CYP2C19: variants seen among roughly 807,000 people sequenced by gnomAD.
CYP2C19 encodes cytochrome P450 2C19.
Under a neutral mutation model 40.9 loss-of-function variants are expected in CYP2C19, and 59 were observed. That is an observed-to-expected ratio of 1.44 (90% CI 1.17 to 1.79). The LOEUF is 1.79. Ranked by LOEUF, CYP2C19 falls within the 40% of genes most tolerant of loss-of-function variation. CYP2C19 has a pLI of 0.00. For missense variants in CYP2C19, 754 were observed against 596.9 expected (o/e 1.26, Z -2.74); for synonymous variants, 253 against 208.7 (o/e 1.21, Z -1.83).
chr10:94,786,059 G>GTC (rs148764138), intron 5 of CYP2C19, among the ~76,000 whole-genome samples: 63 of 149,820 alleles, frequency 4.2e-4, no homozygotes, highest in African/African-American at 9.3e-4. Flanking sequence ...CTCTTTGGAT[G>GTC]TCTCTCTCTC....
chr10:94,830,981 T>A (rs942128027), intron 6 of CYP2C19, among the ~76,000 whole-genome samples: 1 of 152,230 alleles, frequency 6.6e-6, no homozygotes, highest in African/African-American at 2.4e-5. Context: ...ACTGTTGTGC[T>A]ATCAAATAGT....
At chr10:94,780,366 C>A (rs1589348918) in intron 3 of CYP2C19, 133 bp from the exon 4 acceptor site, 9 of 1,184,528 alleles carry the variant, frequency 7.6e-6, no homozygotes, top group East Asian at 2.6e-5. Context: ...ATGCCAAACT[C>A]TTTTTTGCTT....
At chr10:94,787,955 G>A (rs192326041) in intron 5 of CYP2C19, among the ~76,000 whole-genome samples, 1 of 152,044 alleles carries the variant, frequency 6.6e-6, no homozygotes, top group South Asian at 2.1e-4. Flanking sequence ...GATAGCTTTG[G>A]GCAGTCTAGC....
At chr10:94,767,073 A>G (rs1283504689) in intron 1 of CYP2C19, among the ~76,000 whole-genome samples, 2 of 152,052 alleles carry the variant, frequency 1.3e-5, no homozygotes, top group Admixed American at 1.3e-4. Flanking sequence ...ATCAAGTAGG[A>G]GGTCATTTGT....
intron 5 of CYP2C19, among the ~76,000 whole-genome samples, chr10:94,806,685 C>T (rs956736484): frequency 6.8e-5 from 10 of 147,362 alleles, no homozygotes; most frequent in East Asian, 2.0e-4. Context: ...ATTATAAATA[C>T]GTTACCATAA....
chr10:94,825,297 TC>T (rs1344095152), intron 6 of CYP2C19, among the ~76,000 whole-genome samples: 1 of 141,972 alleles, frequency 7.0e-6, no homozygotes, highest in East Asian at 2.1e-4. Flanking sequence ...TTCCTATTTC[TC>T]CACATCCTCT....
At chr10:94,802,497 TC>T (rs1269317550) in intron 5 of CYP2C19, among the ~76,000 whole-genome samples, 1 of 152,146 alleles carries the variant, frequency 6.6e-6, no homozygotes, top group African/African-American at 2.4e-5. Flanking sequence ...GAGATGGGTC[TC>T]CTGAATACAG....
intron 5 of CYP2C19, among the ~76,000 whole-genome samples, chr10:94,820,052 G>T (rs1197936694): frequency 6.7e-6 from 1 of 149,490 alleles, no homozygotes; most frequent in Non-Finnish European, 1.5e-5. Flanking sequence ...ATGATCAAGT[G>T]GGCTTCATCC....
chr10:94,767,005 G>A (rs1848254580), intron 1 of CYP2C19, among the ~76,000 whole-genome samples: 1 of 152,078 alleles, frequency 6.6e-6, no homozygotes, highest in African/African-American at 2.4e-5. Flanking sequence ...AGGTTTTTAA[G>A]GTTTCATTGA....
At chr10:94,775,035 G>A (rs368928532) in intron 1 of CYP2C19, 23 bp from the exon 2 acceptor site, 33 of 1,612,528 alleles carry the variant, frequency 2.0e-5, no homozygotes, top group Non-Finnish European at 2.5e-5. Flanking sequence ...TTCATTTGCT[G>A]TTAACTGTAT....
chr10:94,829,023 C>T (rs554478759), intron 6 of CYP2C19, among the ~76,000 whole-genome samples: 348 of 151,862 alleles, frequency 2.3e-3, no homozygotes, highest in African/African-American at 6.8e-3. Context: ...GAGTTTCTGC[C>T]GAGAGATCTG....
intron 1 of CYP2C19, among the ~76,000 whole-genome samples, chr10:94,763,884 T>G (rs2134228049): frequency 6.6e-6 from 1 of 151,948 alleles, no homozygotes; most frequent in Admixed American, 6.5e-5. Context: ...TGTGCCAGAG[T>G]TTGTTCCTTC....
At chr10:94,771,726 C>A (rs1383115752) in intron 1 of CYP2C19, among the ~76,000 whole-genome samples, 1 of 152,104 alleles carries the variant, frequency 6.6e-6, no homozygotes, top group Admixed American at 6.5e-5. Flanking sequence ...CTGCAACAGT[C>A]CCTGGACCCT....
At chr10:94,787,392 T>G (rs1848557346) in intron 5 of CYP2C19, among the ~76,000 whole-genome samples, 1 of 152,172 alleles carries the variant, frequency 6.6e-6, no homozygotes, top group Non-Finnish European at 1.5e-5. Flanking sequence ...TTCTCGCTAT[T>G]GGACCATTGT....
At chr10:94,815,163 T>C (rs1266674645) in intron 5 of CYP2C19, among the ~76,000 whole-genome samples, 1 of 150,306 alleles carries the variant, frequency 6.7e-6, no homozygotes, top group African/African-American at 2.5e-5. Flanking sequence ...TTAATACTGG[T>C]TTGTGACTGC....
chr10:94,773,944 T>C (rs1297738343), intron 1 of CYP2C19: 1 of 152,160 alleles, frequency 6.6e-6, no homozygotes, highest in African/African-American at 2.4e-5. Context: ...TGCTGATTGT[T>C]CCATTTTACA....
In CYP2C19 at chr10:94,849,946, T is replaced by G. The variant is rs1849626845; in HGVS notation, c.1179T>G (p.Ser393=). The change falls in exon 8 of 9, where the codon TCT becomes TCG. Residue 393 remains serine (S), a synonymous_variant. Coordinates refer to ENST00000371321, the MANE Select transcript of CYP2C19 (RefSeq NM_000769.4). ...CAACCATATTAACTTCCCTCACTTC[T>G]GTGCTACATGACAACAAAGAATTTC... ...KGTTILTSLT[S]VLHDNKEFPN... The G allele has an allele frequency of 6.2e-7, 1 of 1,613,680 alleles. No homozygotes were observed. The highest frequency in any genetic ancestry group is 1.7e-5 in the Admixed American group (1 of 59,956).
chr10:94,826,727 G>A (rs532781331), intron 6 of CYP2C19, among the ~76,000 whole-genome samples: 4 of 152,284 alleles, frequency 2.6e-5, no homozygotes, highest in African/African-American at 9.6e-5. Context: ...AGGCATCCCT[G>A]TCTTGTGCCA....
chr10:94,851,841 A>C (rs372879869), intron 8 of CYP2C19, among the ~76,000 whole-genome samples: 50 of 152,296 alleles, frequency 3.3e-4, no homozygotes, highest in African/African-American at 1.1e-3. Flanking sequence ...ACTGGGTATT[A>C]TGTTTCAACA....
Sources: gnomAD v4.1 joint callset for allele counts (sites outside exome capture counted in the v4.1 genomes callset) on GRCh38, gnomAD v4.1.1 for gene constraint, MANE v1.5 for transcripts, NCBI Gene and HGNC (gene_info 2026-07-23, HGNC 2026-07-21) for gene names.